The following CRYBG1 variants were observed in gnomAD, a reference collection of about 807,000 sequenced individuals.
CRYBG1 encodes beta/gamma crystallin domain-containing protein 1.
A neutral mutation model predicts 189.2 loss-of-function variants in CRYBG1; 139 were observed. The ratio of observed to expected loss-of-function variants is 0.73; its 90% CI spans 0.64 to 0.85. The LOEUF is 0.85. Ranked by LOEUF, CRYBG1 falls within the 40% of genes least tolerant of loss-of-function variation. The pLI is 0.00. For synonymous variants in CRYBG1, 1,023 were observed against 1,017.1 expected (o/e 1.01, Z -0.11); for missense variants, 2,611 against 2,675.8 (o/e 0.98, Z 0.53).
In CRYBG1 at chr6:106,508,917, C is replaced by CA. The variant is rs67365041; in HGVS notation, c.313-2494dup. On this transcript the variant is annotated intron_variant, in intron 2 of 21. Transcript: ENST00000633556. ...AGTTTTGTAAAAAGCATCTAATAGC[C>CA]AAAAAAAAAAAAAAAAAAATTGTTT... is the stretch of plus-strand genomic sequence containing the variant. Among the ~76,000 whole-genome samples, 872 of 143,176 alleles carry CA rather than the reference C, an allele frequency of 6.1e-3. 11 individuals are homozygous for CA. The highest frequency in any genetic ancestry group is 0.054 in the East Asian group (264 of 4,914). The allele number at this position is 143,176 out of a possible 152,430, so 93.9% of individuals were successfully genotyped here.
chr6:106,519,042 G>T, intron 3 of CRYBG1, 89 bp from the exon 4 acceptor site: 1 of 1,375,088 alleles, frequency 7.3e-7, no homozygotes, highest in Non-Finnish European at 9.8e-7. Flanking sequence ...GGGAGATGTT[G>T]GCTTTTCATA....
In CRYBG1 at chr6:106,571,115, A is replaced by G. The variant is rs1241656907; in HGVS notation, c.*2549A>G. 6.6e-6 allele frequency: 1 copy of G among 152,248 alleles called. No homozygotes were observed. The highest frequency in any genetic ancestry group is 1.5e-5 in the Non-Finnish European group (1 of 68,040). The allele number at this position is 152,248 out of a possible 1,614,324, so 9.4% of individuals were successfully genotyped here. A position where few individuals can be genotyped will look rare whatever the true frequency, so the allele number is the denominator to read the frequency against. ...TCAGAGAAGCATGTTTCAATTGCCG[A>G]AACAGGCCTAATCCTTATGCAAGAT... is the stretch of plus-strand genomic sequence containing the variant. On this transcript the variant is annotated 3_prime_UTR_variant, in exon 22 of 22. Coordinates refer to ENST00000633556, the MANE Select transcript of CRYBG1 (RefSeq NM_001371242.2).
rs562773990 is a variant in CRYBG1, at chr6:106,503,267, G to A, written c.313-8163G>A. Among the ~76,000 whole-genome samples the A allele has an allele frequency of 1.1e-4, 16 of 152,274 alleles. No individual in the cohort carries two copies. In the South Asian group the frequency reaches 1.7e-3, roughly 16 times the overall value. On this transcript the variant is annotated intron_variant, in intron 2 of 21. Coordinates refer to ENST00000633556, the MANE Select transcript of CRYBG1 (RefSeq NM_001371242.2). ...TCCATCATAACTGGGAGCCTGGGGC[G>A]CAGACAAGGCTGAGGGAGGGTGAGC...
Position 106,451,714 on chromosome 6 carries a change from G to A in CRYBG1, c.194G>A (p.Gly65Glu). 1.3e-6 allele frequency: 2 copies of A among 1,533,534 alleles called. No individual in the cohort carries two copies. The highest frequency in any genetic ancestry group is 1.7e-6 in the Non-Finnish European group (2 of 1,145,718). 95.0% of individuals were successfully genotyped at this position (1,533,534 alleles called of 1,614,324 possible). Residue 65 changes from glycine to glutamate, a missense_variant, in exon 2 of 22, where the codon GGA (glycine) becomes GAA (glutamate). By Grantham distance (98) the Gly-to-Glu change is moderately conservative (BLOSUM62 -2). Transcript: ENST00000633556. The stretch of plus-strand genomic sequence containing the variant: ...TGCAGAGCTTTGGATGTAGTCGATG[G>A]AAAATATGTGGTTCGAGACTCCCAG... ...GEARALDVVDGKYVVRDSQEF... is the reference protein window; with the variant it reads ...GEARALDVVDEKYVVRDSQEF...
rs73520844 is a variant in CRYBG1, at chr6:106,538,963, T to C, written c.4719-440T>C. Among the ~76,000 whole-genome samples, 432 of 152,236 alleles carry C rather than the reference T, an allele frequency of 2.8e-3. 3 individuals carry two copies. Among genetic ancestry groups the C allele is most frequent in the African/African-American group, 0.01 (422 of 41,534 alleles). ...GAATCATTCCAGCCTTTCATACTTA[T>C]AGCTGTGTGGCCTTGGGCAACTTAC... On this transcript the variant is annotated intron_variant, in intron 8 of 21. Transcript: ENST00000633556.
chr6:106,474,557 A>G (rs186260343), intron 2 of CRYBG1, among the ~76,000 whole-genome samples: 9 of 152,340 alleles, frequency 5.9e-5, no homozygotes, highest in Admixed American at 1.3e-4. Flanking sequence ...GAGTAGATTC[A>G]ATATCTCCCT....
intron 2 of CRYBG1, chr6:106,455,060 A>G (rs1345934430): frequency 6.6e-6 from 1 of 152,240 alleles, no homozygotes; most frequent in Non-Finnish European, 1.5e-5. Context: ...GAATATTGCT[A>G]GAATTTAAAT....
chr6:106,511,583 G>C lies in CRYBG1; in HGVS notation c.466G>C (p.Ala156Pro), dbSNP rs911074594. Residue 156 changes from alanine to proline, a missense_variant, in exon 3 of 22, where the codon GCC becomes CCC. Ala to Pro is a conservative substitution (Grantham distance 27). This residue lies in a region of CRYBG1 where 985 missense variants were observed against 924.4 expected (regional missense o/e 1.07). Coordinates refer to ENST00000633556, the MANE Select transcript of CRYBG1 (RefSeq NM_001371242.2). ...AKPLSPKDVV[A>P]SPKLPERESE... Reference sequence around the variant, plus strand: ...ACCACTCTCTCCCAAAGATGTGGTAGCCTCTCCTAAGCTCCCAGAGAGAGA... The same window carrying C: ...ACCACTCTCTCCCAAAGATGTGGTACCCTCTCCTAAGCTCCCAGAGAGAGA... 3.3e-6 allele frequency: 5 copies of C among 1,535,856 alleles called. No individual in the cohort carries two copies. The Middle Eastern group carries it at 6.7e-4, about 205-fold the overall frequency.
intron 1 of CRYBG1, among the ~76,000 whole-genome samples, chr6:106,384,581 C>T (rs944414362): frequency 1.8e-4 from 28 of 151,982 alleles, no homozygotes; most frequent in Non-Finnish European, 2.5e-4. Context: ...TGCTTGCAGT[C>T]ACTGAAGAAA....
chr6:106,498,015 C>T (rs1447815900), intron 2 of CRYBG1, among the ~76,000 whole-genome samples: 1 of 151,474 alleles, frequency 6.6e-6, no homozygotes, highest in Non-Finnish European at 1.5e-5. Flanking sequence ...GCATGAGAAT[C>T]GCTTGAACCC....
intron 10 of CRYBG1, among the ~76,000 whole-genome samples, chr6:106,542,800 C>T (rs1774163430): frequency 6.9e-6 from 1 of 144,662 alleles, no homozygotes; most frequent in Non-Finnish European, 1.5e-5. Context: ...AGGTGTGCAT[C>T]ACTATGCCCA....
chr6:106,562,112 A>AAAAAC (rs983463810), intron 20 of CRYBG1, among the ~76,000 whole-genome samples: 8 of 151,946 alleles, frequency 5.3e-5, no homozygotes, highest in East Asian at 3.9e-4. Flanking sequence ...TTTTCTTTAA[A>AAAAAC]AAAACAAAAC....
chr6:106,383,697 T>C (rs1770329934), intron 1 of CRYBG1, among the ~76,000 whole-genome samples: 1 of 152,250 alleles, frequency 6.6e-6, no homozygotes, highest in African/African-American at 2.4e-5. Flanking sequence ...TCATATGATA[T>C]GTCACACATG....
chr6:106,562,042 T>A (rs1313452808), intron 20 of CRYBG1, among the ~76,000 whole-genome samples: 1 of 152,186 alleles, frequency 6.6e-6, no homozygotes, highest in African/African-American at 2.4e-5. Flanking sequence ...AGCTCATGCT[T>A]CTATGGTAGA....
At chr6:106,440,944 G>A (rs1021703386) in intron 1 of CRYBG1, among the ~76,000 whole-genome samples, 9 of 152,094 alleles carry the variant, frequency 5.9e-5, no homozygotes, top group Non-Finnish European at 1.3e-4. Flanking sequence ...ACAATTCTGT[G>A]ATTTATAACG....
intron 1 of CRYBG1, among the ~76,000 whole-genome samples, chr6:106,391,621 T>A (rs1267993672): frequency 6.6e-6 from 1 of 152,074 alleles, no homozygotes; most frequent in Non-Finnish European, 1.5e-5. Context: ...TATATGCAAA[T>A]ATTCCATTTT....
At position 106,511,813 on chromosome 6, in the gene CRYBG1, AC is replaced by A. The variant is rs969910746; in HGVS notation, c.700del (p.Gln234AsnfsTer2). On this transcript the variant is annotated frameshift_variant, in exon 3 of 22. Coordinates refer to ENST00000633556, the MANE Select transcript of CRYBG1 (RefSeq NM_001371242.2). LOFTEE classifies it high-confidence loss of function. ...TGCAGCAGTGCCATGAAAATGATTC[AC>A]CCCAATTAGAACCTCTGGAGGCAGA... ...AVQQCHENDS[P>X]QLEPLEAEGE... is the part of the protein sequence containing the mutation. The A allele has an allele frequency of 3.3e-6, 5 of 1,523,122 alleles. No individual in the cohort carries two copies. In the African/African-American group the frequency reaches 6.9e-5, roughly 21 times the overall value. 94.4% of individuals were successfully genotyped at this position (1,523,122 alleles called of 1,614,324 possible).
intron 13 of CRYBG1, among the ~76,000 whole-genome samples, chr6:106,548,118 T>TC (rs1381664806): frequency 6.6e-6 from 1 of 152,128 alleles, no homozygotes. Flanking sequence ...TACATGCCTT[T>TC]CCCCCGTCTC....
At position 106,570,040 on chromosome 6, in the gene CRYBG1, A is replaced by G. The variant is rs1281192514; in HGVS notation, c.*1474A>G. On this transcript the variant is annotated 3_prime_UTR_variant, in exon 22 of 22. Coordinates refer to ENST00000633556, the MANE Select transcript of CRYBG1 (RefSeq NM_001371242.2). ...CAAACTGCTTAACAACTGACAAGAC[A>G]CCAGCCCATACGCTGCTCTTCCAAC... is the stretch of plus-strand genomic sequence containing the variant. 1 of 152,236 alleles carries G rather than the reference A, an allele frequency of 6.6e-6. No individual in the cohort carries two copies. Among genetic ancestry groups the G allele is most frequent in the African/African-American group, 2.4e-5 (1 of 41,452 alleles). 9.4% of individuals were successfully genotyped at this position (152,236 alleles called of 1,614,324 possible). A position where few individuals can be genotyped will look rare whatever the true frequency, so the allele number is the denominator to read the frequency against.
Sources: allele counts gnomAD v4.1 joint callset (sites outside exome capture counted in the v4.1 genomes callset), GRCh38; gene constraint gnomAD v4.1.1; regional missense constraint gnomAD v4.1.1; transcripts MANE v1.5; gene names NCBI Gene and HGNC (gene_info 2026-07-23, HGNC 2026-07-21).